The following FIRRM variants were observed in gnomAD, a reference collection of about 807,000 sequenced individuals.
FIRRM encodes FIGNL1 interacting regulator of recombination and mitosis, also known as FIGNL1-interacting regulator of recombination and mitosis.
the FIRRM span, among the ~76,000 whole-genome samples, chr1:169,814,750 T>C: frequency 3.9e-5 from 6 of 152,214 alleles, no homozygotes; most frequent in African/African-American, 9.6e-5. Flanking sequence ...ATACAAAATA[T>C]GTTAATCAGC....
chr1:169,827,653 A>C, the FIRRM span: 2 of 1,597,074 alleles, frequency 1.3e-6, no homozygotes, highest in African/African-American at 2.7e-5. Context: ...AAAAAAAATT[A>C]TTCCTTTACG....
chr1:169,809,301 T>G, the FIRRM span, among the ~76,000 whole-genome samples: 2 of 152,220 alleles, frequency 1.3e-5, no homozygotes, highest in African/African-American at 4.8e-5. Flanking sequence ...TCGTGCATCC[T>G]TTCTGATTCC....
the FIRRM span, among the ~76,000 whole-genome samples, chr1:169,794,088 C>A: frequency 0.76 from 114,555 of 151,576 alleles, 44,309 homozygotes; most frequent in African/African-American, 0.92. Flanking sequence ...TTAAGGGTTC[C>A]AAAGTGGGAG....
At chr1:169,849,713 A>G in the FIRRM span, 10 of 812,418 alleles carry the variant, frequency 1.2e-5, no homozygotes, top group Non-Finnish European at 2.0e-5. Context: ...TTGCAATCGG[A>G]AAATTGTCTG....
At chr1:169,832,035 A>G in the FIRRM span, among the ~76,000 whole-genome samples, 1 of 152,196 alleles carries the variant, frequency 6.6e-6, no homozygotes, top group Non-Finnish European at 1.5e-5. Context: ...CTGGGATTAC[A>G]GTTGTGAACC....
the FIRRM span, among the ~76,000 whole-genome samples, chr1:169,802,227 A>G: frequency 6.6e-6 from 1 of 152,194 alleles, no homozygotes; most frequent in Admixed American, 6.5e-5. Flanking sequence ...TTCAGTGCAA[A>G]TTCCTTCCAG....
the FIRRM span, among the ~76,000 whole-genome samples, chr1:169,791,925 C>T: frequency 1.2e-4 from 18 of 152,206 alleles, no homozygotes; most frequent in African/African-American, 4.3e-4. Flanking sequence ...TAAGTCTATA[C>T]TCCCCCAAAT....
the FIRRM span, chr1:169,792,537 C>A: frequency 6.9e-7 from 1 of 1,439,748 alleles, no homozygotes; most frequent in Non-Finnish European, 9.2e-7. Context: ...AATTTTTGGT[C>A]CTTCTGTTTA....
At chr1:169,827,567 G>A in the FIRRM span, 273 of 847,050 alleles carry the variant, frequency 3.2e-4, 1 homozygote, top group African/African-American at 4.3e-3. Context: ...GAACCCAGAC[G>A]GTGGAGGTTG....
the FIRRM span, chr1:169,792,625 TTCA>T: frequency 6.3e-7 from 1 of 1,598,418 alleles, no homozygotes; most frequent in South Asian, 1.1e-5. Flanking sequence ...TCTTCAATCC[TTCA>T]TCAATTATTT....
the FIRRM span, chr1:169,837,236 C>A: frequency 1.5e-6 from 1 of 672,024 alleles, no homozygotes; most frequent in Non-Finnish European, 2.2e-6. Flanking sequence ...CTGTTAGAAC[C>A]TAGTAAGATT....
chr1:169,818,772 C>T, the FIRRM span, among the ~76,000 whole-genome samples: 1 of 152,134 alleles, frequency 6.6e-6, no homozygotes, highest in Non-Finnish European at 1.5e-5. Flanking sequence ...CTGCAACCTC[C>T]GCTTCCTGGG....
At chr1:169,801,075 T>C in the FIRRM span, 1 of 590,218 alleles carries the variant, frequency 1.7e-6, no homozygotes, top group Non-Finnish European at 3.0e-6. Flanking sequence ...ATCAAATATA[T>C]TCAAAATAAA....
At chr1:169,837,235 C>A in the FIRRM span, 1 of 680,186 alleles carries the variant, frequency 1.5e-6, no homozygotes, top group South Asian at 4.1e-5. Context: ...TCTGTTAGAA[C>A]CTAGTAAGAT....
the FIRRM span, among the ~76,000 whole-genome samples, chr1:169,818,743 A>G: frequency 2.2e-4 from 34 of 152,200 alleles, 1 homozygote; most frequent in East Asian, 6.4e-3. Context: ...CTGGAGTACA[A>G]TGGCATGATC....
At chr1:169,821,640 C>T in the FIRRM span, 3 of 1,406,210 alleles carry the variant, frequency 2.1e-6, no homozygotes, top group Admixed American at 2.2e-5. Context: ...ATATTCTTTT[C>T]TTATTTATTA....
At chr1:169,791,174 C>T in the FIRRM span, among the ~76,000 whole-genome samples, 5 of 152,292 alleles carry the variant, frequency 3.3e-5, no homozygotes, top group Admixed American at 6.5e-5. Context: ...TACTGGTCCA[C>T]GGCGCAGGCA....
the FIRRM span, chr1:169,808,052 T>A: frequency 1.1e-6 from 1 of 950,846 alleles, no homozygotes; most frequent in Non-Finnish European, 1.6e-6. Context: ...ATTTGGGTGT[T>A]TTTTTTTGAT....
At chr1:169,800,257 G>A in the FIRRM span, among the ~76,000 whole-genome samples, 1 of 151,282 alleles carries the variant, frequency 6.6e-6, no homozygotes, top group Non-Finnish European at 1.5e-5. Flanking sequence ...TGTTTCCCAG[G>A]TGGTCTTTAA....
Sources: allele counts gnomAD v4.1 joint callset (sites outside exome capture counted in the v4.1 genomes callset), GRCh38; gene constraint gnomAD v4.1.1; transcripts MANE v1.5; gene names NCBI Gene and HGNC (gene_info 2026-07-23, HGNC 2026-07-21).